Variants in ZNF804B observed in about 807,000 individuals in gnomAD.
The protein encoded by ZNF804B is zinc finger 804B.
In ZNF804B, 80 loss-of-function variants were observed where a neutral mutation model predicts 101.4. The ratio of observed to expected loss-of-function variants is 0.79; its 90% confidence interval spans 0.66 to 0.95. ZNF804B has a LOEUF of 0.95. Ranked by LOEUF, ZNF804B falls within the 40% of genes least tolerant of loss-of-function variation. The pLI, the probability that ZNF804B is intolerant of heterozygous loss-of-function variation, is 0.00. For missense variants in ZNF804B, 1,673 were observed against 1,561.9 expected, an observed-to-expected ratio of 1.07 and a Z score of -1.20; for synonymous variants, 622 against 558.8, an observed-to-expected ratio of 1.11 and a Z score of -1.59.
chr7:89,123,105 A>T (rs898510721), intron 1 of ZNF804B, among the ~76,000 whole-genome samples: 3 of 151,746 alleles, frequency 2.0e-5, no homozygotes, highest in African/African-American at 7.3e-5. Context: ...GGGCAGGACA[A>T]TGTAAACTCC....
chr7:88,966,195 C>T (rs1283685470), intron 1 of ZNF804B, among the ~76,000 whole-genome samples: 1 of 151,306 alleles, frequency 6.6e-6, no homozygotes, highest in East Asian at 2.0e-4. Context: ...TATGTGTGTA[C>T]AGATATTATA....
intron 1 of ZNF804B, among the ~76,000 whole-genome samples, chr7:89,158,684 C>T (rs999081026): frequency 1.3e-5 from 2 of 152,002 alleles, no homozygotes; most frequent in Non-Finnish European, 2.9e-5. Flanking sequence ...GTGTATGACC[C>T]CAAACTATTT....
At chr7:89,012,620 C>T (rs534970603) in intron 1 of ZNF804B, among the ~76,000 whole-genome samples, 2 of 152,270 alleles carry the variant, frequency 1.3e-5, no homozygotes, top group African/African-American at 4.8e-5. Flanking sequence ...TTGAGACCAC[C>T]TCATCCTGAA....
rs80210075 is a variant in ZNF804B at position 89,304,529 on chromosome 7, A to ATGTG, written c.250-22805_250-22802dup. ...AGAGGATGTGTGGGTATGTGTGTGT[A>ATGTG]TGTGTGTGTGTGTATGTGTGTGTCT... On this transcript the variant is annotated intron_variant, in intron 2 of 3. Coordinates refer to ENST00000333190, the MANE Select transcript of ZNF804B (RefSeq NM_181646.5). Among the ~76,000 whole-genome samples the ATGTG allele has an allele frequency of 4.0e-5, 6 of 151,028 alleles. No homozygotes were observed. In the South Asian group the frequency reaches 8.4e-4, roughly 21 times the overall value.
chr7:89,084,352 C>G (rs1191266371), intron 1 of ZNF804B, among the ~76,000 whole-genome samples: 1 of 151,760 alleles, frequency 6.6e-6, no homozygotes, highest in Non-Finnish European at 1.5e-5. Flanking sequence ...ATAGTGAAGT[C>G]AAGATACTGA....
chr7:88,964,156 TC>T (rs1263321950), intron 1 of ZNF804B, among the ~76,000 whole-genome samples: 2 of 151,342 alleles, frequency 1.3e-5, no homozygotes, highest in Non-Finnish European at 3.0e-5. Context: ...TGTCATATGA[TC>T]CAACAATTCC....
Position 89,279,673 on chromosome 7 carries a change from G to C in ZNF804B, c.250-47671G>C, listed in dbSNP as rs544020186. Reference sequence around the variant, plus strand: ...TTACGTTTATTGATTTTCATATGTTGAACCAGCCTTGCATCCCAGGGATGA... The same window carrying C: ...TTACGTTTATTGATTTTCATATGTTCAACCAGCCTTGCATCCCAGGGATGA... On this transcript the variant is annotated intron_variant, in intron 2 of 3. Transcript: ENST00000333190. 1.5e-4 allele frequency among the ~76,000 whole-genome samples: 23 copies of C among 152,196 alleles called. No homozygotes were observed. The South Asian group carries it at 2.7e-3, about 18-fold the overall frequency.
intron 1 of ZNF804B, among the ~76,000 whole-genome samples, chr7:88,971,557 A>G (rs979320380): frequency 6.6e-6 from 1 of 151,610 alleles, no homozygotes; most frequent in Non-Finnish European, 1.5e-5. Context: ...TCTGCAGAAT[A>G]AAGCAGTAGC....
intron 1 of ZNF804B, among the ~76,000 whole-genome samples, chr7:88,927,190 C>G (rs1400616651): frequency 6.6e-6 from 1 of 152,022 alleles, no homozygotes; most frequent in East Asian, 1.9e-4. Context: ...CAAAGTGGCC[C>G]TATTGAAAGC....
rs1584108663 is a variant in ZNF804B, at chr7:89,292,132, C to T, written c.250-35212C>T. ...TATTACCAACACCATACCTGTCTGTCCTACAAGAAATAATAAAGGAACTTT... is the reference window on the plus strand; with the variant it reads ...TATTACCAACACCATACCTGTCTGTTCTACAAGAAATAATAAAGGAACTTT... On this transcript the variant is annotated intron_variant, in intron 2 of 3. Coordinates refer to ENST00000333190, the MANE Select transcript of ZNF804B (RefSeq NM_181646.5). Among the ~76,000 whole-genome samples, 5 of 150,602 alleles carry T rather than the reference C, an allele frequency of 3.3e-5. No individual in the cohort carries two copies. The East Asian group carries it at 9.7e-4, about 29-fold the overall frequency.
At chr7:89,268,225 A>G (rs1166460339) in intron 2 of ZNF804B, among the ~76,000 whole-genome samples, 1 of 146,962 alleles carries the variant, frequency 6.8e-6, no homozygotes, top group African/African-American at 2.4e-5. Context: ...CTATCAACAG[A>G]CACACACAAA....
intron 1 of ZNF804B, among the ~76,000 whole-genome samples, chr7:88,941,696 A>G (rs1793056826): frequency 6.6e-6 from 1 of 151,990 alleles, no homozygotes; most frequent in Non-Finnish European, 1.5e-5. Flanking sequence ...ACATGTCATT[A>G]TACATTCGTC....
chr7:88,793,893 T>G (rs182588308), intron 1 of ZNF804B, among the ~76,000 whole-genome samples: 2 of 151,928 alleles, frequency 1.3e-5, no homozygotes, highest in East Asian at 1.9e-4. Flanking sequence ...TCAGCCATAC[T>G]TTTTTTTGAA....
intron 1 of ZNF804B, among the ~76,000 whole-genome samples, chr7:89,113,768 T>C (rs1208587231): frequency 6.6e-6 from 1 of 151,986 alleles, no homozygotes; most frequent in Admixed American, 6.6e-5. Flanking sequence ...CTGGCCAACA[T>C]AGTGAAACCT....
chr7:88,811,299 A>G (rs938704422), intron 1 of ZNF804B, among the ~76,000 whole-genome samples: 16 of 152,198 alleles, frequency 1.1e-4, no homozygotes, highest in Admixed American at 9.8e-4. Flanking sequence ...TAAAACCACA[A>G]TGAGATACAA....
At chr7:88,821,258 C>T (rs17164562) in intron 1 of ZNF804B, among the ~76,000 whole-genome samples, 36,460 of 152,028 alleles carry the variant, frequency 0.24, 5,301 homozygotes, top group East Asian at 0.68. Flanking sequence ...CCAAGTCTAG[C>T]GAGCATTGCT....
At chr7:89,052,097 C>T (rs1416595720) in intron 1 of ZNF804B, among the ~76,000 whole-genome samples, 1 of 151,784 alleles carries the variant, frequency 6.6e-6, no homozygotes, top group African/African-American at 2.4e-5. Context: ...AAGATCTCTC[C>T]CACTCCTAAC....
chr7:89,161,616 T>C (rs923723302), intron 1 of ZNF804B, among the ~76,000 whole-genome samples: 3 of 151,992 alleles, frequency 2.0e-5, no homozygotes, highest in African/African-American at 7.2e-5. Flanking sequence ...CTCAAAGTCC[T>C]GGGCTCAAGC....
chr7:89,062,478 T>A (rs778500346), intron 1 of ZNF804B, among the ~76,000 whole-genome samples: 1 of 152,140 alleles, frequency 6.6e-6, no homozygotes, highest in Non-Finnish European at 1.5e-5. Flanking sequence ...CCAAAATGAC[T>A]TTTGTCATAT....
Sources: allele counts gnomAD v4.1 joint callset (sites outside exome capture counted in the v4.1 genomes callset), GRCh38; gene constraint gnomAD v4.1.1; transcripts MANE v1.5; gene names NCBI Gene and HGNC (gene_info 2026-07-23, HGNC 2026-07-21).